PKP4: variants seen among roughly 807,000 people sequenced by gnomAD.
PKP4 encodes plakophilin 4.
PKP4 carries 90 observed loss-of-function variants against 145.1 expected under a neutral mutation model. The observed-to-expected ratio is 0.62, with a 90% CI of 0.52 to 0.74. The LOEUF (loss-of-function observed/expected upper bound fraction) is 0.74. Among genes scored for constraint, PKP4 ranks in the 30% least tolerant of loss-of-function variants. The probability of loss-of-function intolerance (pLI) is 0.00; values close to 1 mark genes in which losing one functional copy is unlikely to be tolerated. For missense variants in PKP4, 1,340 were observed against 1,482.7 expected (o/e 0.90, Z 1.58); for synonymous variants, 563 against 577.2 (o/e 0.98, Z 0.35).
chr2:158,646,268 G>C (rs982426780), intron 11 of PKP4, among the ~76,000 whole-genome samples: 1 of 152,188 alleles, frequency 6.6e-6, no homozygotes, highest in Admixed American at 6.5e-5. Flanking sequence ...ATTTTGACAT[G>C]TGGACTGATT....
Position 158,569,606 on chromosome 2 carries a change from A to G in PKP4, c.133-7665A>G, listed in dbSNP as rs371444911. The stretch of plus-strand genomic sequence containing the variant: ...GTAAAAAATATTTTAAATGTAGACT[A>G]TAGTATAGTACCTCTTAATTCAGCC... On this transcript the variant is annotated intron_variant, in intron 2 of 21. Coordinates refer to ENST00000389759, the MANE Select transcript of PKP4 (RefSeq NM_003628.6). Among the ~76,000 whole-genome samples the G allele has an allele frequency of 5.1e-4, 77 of 152,346 alleles. 1 individual carries two copies. Among genetic ancestry groups the G allele is most frequent in the South Asian group, 1.5e-3 (7 of 4,826 alleles).
Position 158,673,779 on chromosome 2 carries a change from C to T in PKP4, c.3009+18C>T. The T allele has an allele frequency of 6.5e-7, 1 of 1,544,370 alleles. No individual in the cohort carries two copies. ...ATAAAAAGGTAACCTACAAGAATAG[C>T]TCTGGCATAATTAGCATTCATCAGA... is the stretch of plus-strand genomic sequence containing the variant. On this transcript the variant is annotated intron_variant, in intron 18 of 21. Transcript: ENST00000389759.
intron 2 of PKP4, among the ~76,000 whole-genome samples, chr2:158,560,157 G>T (rs552024461): frequency 6.6e-6 from 1 of 152,140 alleles, no homozygotes; most frequent in African/African-American, 2.4e-5. Flanking sequence ...GTGAGCCACC[G>T]TGCCTGGCTG....
intron 11 of PKP4, among the ~76,000 whole-genome samples, chr2:158,653,963 A>G (rs1574988030): frequency 6.6e-6 from 1 of 152,242 alleles, no homozygotes; most frequent in East Asian, 1.9e-4. Context: ...GAGGTCGAGC[A>G]CACACAGGTG....
At position 158,577,300 on chromosome 2, in the gene PKP4, A is replaced by G. The variant is rs760335302; in HGVS notation, c.162A>G (p.Glu54=). 2.5e-6 allele frequency: 4 copies of G among 1,613,742 alleles called. No homozygotes were observed. Among genetic ancestry groups the G allele is most frequent in the East Asian group, 2.2e-5 (1 of 44,854 alleles). The stretch of plus-strand genomic sequence containing the variant: ...TTCAGTTTCAGCGACTCACCCGAGA[A>G]CTGGAAGTGGAAAGGCAGATTGTTG... The part of the protein sequence containing the change: ...QELQFQRLTR[E]LEVERQIVAS... Residue 54 remains glutamate, a synonymous_variant, in exon 3 of 22, where the codon GAA becomes GAG. Coordinates refer to ENST00000389759, the MANE Select transcript of PKP4 (RefSeq NM_003628.6).
At chr2:158,552,105 T>A (rs769031228) in intron 2 of PKP4, among the ~76,000 whole-genome samples, 2 of 152,208 alleles carry the variant, frequency 1.3e-5, no homozygotes, top group Admixed American at 6.5e-5. Flanking sequence ...TATCTGTCTA[T>A]GAGAGAGGCA....
chr2:158,630,231 A>G (rs907001023), intron 7 of PKP4, among the ~76,000 whole-genome samples: 27 of 152,212 alleles, frequency 1.8e-4, no homozygotes, highest in African/African-American at 6.5e-4. Context: ...TATAGAAAAT[A>G]TTCAGTCTTT....
intron 2 of PKP4, among the ~76,000 whole-genome samples, chr2:158,538,029 G>C (rs1574367722): frequency 6.6e-6 from 1 of 152,054 alleles, no homozygotes; most frequent in Non-Finnish European, 1.5e-5. Context: ...AAAAAAGAAA[G>C]AAAAATGTGG....
intron 11 of PKP4, among the ~76,000 whole-genome samples, chr2:158,654,367 A>G (rs1196476849): frequency 1.3e-5 from 2 of 152,226 alleles, no homozygotes; most frequent in East Asian, 3.8e-4. Flanking sequence ...AGTTGCAGAA[A>G]TGAAAGCCTG....
chr2:158,618,428 G>A (rs985153744), intron 4 of PKP4, among the ~76,000 whole-genome samples: 3 of 151,986 alleles, frequency 2.0e-5, no homozygotes, highest in African/African-American at 7.3e-5. Context: ...GTTTTCTAGG[G>A]CGTTGCATTA....
chr2:158,558,331 A>G (rs2046259891), intron 2 of PKP4, among the ~76,000 whole-genome samples: 1 of 152,188 alleles, frequency 6.6e-6, no homozygotes, highest in South Asian at 2.1e-4. Flanking sequence ...GAGCAAGTAG[A>G]AAACTGGAAA....
At chr2:158,590,807 A>G (rs1335044308) in intron 3 of PKP4, among the ~76,000 whole-genome samples, 3 of 152,134 alleles carry the variant, frequency 2.0e-5, no homozygotes, top group African/African-American at 4.8e-5. Flanking sequence ...ACCAATGGCC[A>G]CTAAAATCAT....
intron 6 of PKP4, among the ~76,000 whole-genome samples, 193 bp downstream of exon 6, chr2:158,621,614 C>T (rs1275525313): frequency 6.6e-6 from 1 of 151,976 alleles, no homozygotes; most frequent in Non-Finnish European, 1.5e-5. Context: ...GGCGTGGTGG[C>T]GGGCGCCTGT....
intron 8 of PKP4, chr2:158,632,569 C>G (rs2053463295): frequency 6.6e-6 from 1 of 152,170 alleles, no homozygotes; most frequent in South Asian, 2.1e-4. Flanking sequence ...ATGCTGTAGC[C>G]CATGGTGGTG....
At chr2:158,581,739 A>G (rs2048353180) in intron 3 of PKP4, among the ~76,000 whole-genome samples, 1 of 152,158 alleles carries the variant, frequency 6.6e-6, no homozygotes, top group Non-Finnish European at 1.5e-5. Context: ...CTCTGCATAT[A>G]TTTCCACCTA....
At chr2:158,607,155 A>C (rs2050724029) in intron 4 of PKP4, among the ~76,000 whole-genome samples, 1 of 152,026 alleles carries the variant, frequency 6.6e-6, no homozygotes, top group Admixed American at 6.6e-5. Flanking sequence ...GATTGTATTA[A>C]TTTTCCCTCC....
intron 1 of PKP4, among the ~76,000 whole-genome samples, chr2:158,485,365 T>G (rs1015755930): frequency 5.3e-5 from 8 of 152,200 alleles, no homozygotes; most frequent in African/African-American, 1.7e-4. Context: ...CATTCAGAAG[T>G]ACGTAGGAAA....
chr2:158,531,210 T>C (rs1045603794), intron 1 of PKP4, among the ~76,000 whole-genome samples: 2 of 152,240 alleles, frequency 1.3e-5, no homozygotes. Context: ...CCTTCTATAT[T>C]AATAAATAAT....
chr2:158,504,651 G>A (rs1443484619), intron 1 of PKP4, among the ~76,000 whole-genome samples: 1 of 147,398 alleles, frequency 6.8e-6, no homozygotes, highest in Non-Finnish European at 1.5e-5. Flanking sequence ...ATTCAAGCTG[G>A]CCTTATGATC....
Sources: allele counts gnomAD v4.1 joint callset (sites outside exome capture counted in the v4.1 genomes callset), GRCh38; gene constraint gnomAD v4.1.1; transcripts MANE v1.5; gene names NCBI Gene and HGNC (gene_info 2026-07-23, HGNC 2026-07-21).